Variants in ZNF146 observed in about 807,000 individuals in gnomAD.
The protein encoded by ZNF146 is zinc finger protein 146.
A neutral mutation model predicts 22.2 loss-of-function variants in ZNF146; 9 were observed. The ratio of observed to expected loss-of-function variants is 0.41; its 90% CI spans 0.24 to 0.71. The LOEUF (loss-of-function observed/expected upper bound fraction) is 0.71. ZNF146 is among the 30% of genes least tolerant of loss of function. The pLI, the probability that ZNF146 is intolerant of heterozygous loss-of-function variation, is 0.34. For synonymous variants in ZNF146, 108 were observed against 119.2 expected, an observed-to-expected ratio of 0.91 and a Z score of 0.61; for missense variants, 194 against 344.8, an observed-to-expected ratio of 0.56 and a Z score of 3.46.
At chr19:36,218,226 T>TATACTATA (rs1160821301) in intron 2 of ZNF146, 31 bp downstream of exon 2, 1 of 151,950 alleles carries the variant, frequency 6.6e-6, no homozygotes, top group African/African-American at 2.4e-5. Flanking sequence ...CCTCAGTTGC[T>TATACTATA]CATTTCATAG....
chr19:36,217,585 A>G (rs1331624367), intron 1 of ZNF146, among the ~76,000 whole-genome samples: 2 of 152,124 alleles, frequency 1.3e-5, no homozygotes, highest in Non-Finnish European at 2.9e-5. Context: ...ATGATACACG[A>G]TGCATTTGGA....
chr19:36,230,991 A>G (rs1253236963), intron 3 of ZNF146, among the ~76,000 whole-genome samples: 1 of 152,084 alleles, frequency 6.6e-6, no homozygotes, highest in African/African-American at 2.4e-5. Context: ...AGTAGAGTCG[A>G]GGTTTCACCA....
In ZNF146 at chr19:36,237,504, G is replaced by T; in HGVS notation, c.*185G>T. On this transcript the variant is annotated 3_prime_UTR_variant, in exon 4 of 4. Transcript: ENST00000443387. ...AAGACATGCATATGATTAAAACCCT[G>T]TGTCCAACAGAGAAACCTGCAGCAG... 1 of 583,282 alleles carries T rather than the reference G, an allele frequency of 1.7e-6. No individual in the cohort carries two copies. Among genetic ancestry groups the T allele is most frequent in the Non-Finnish European group, 2.8e-6 (1 of 359,304 alleles). 36.1% of individuals were successfully genotyped at this position (583,282 alleles called of 1,614,324 possible).
chr19:36,219,482 G>A (rs996442825), intron 2 of ZNF146, among the ~76,000 whole-genome samples: 8 of 151,990 alleles, frequency 5.3e-5, no homozygotes, highest in Non-Finnish European at 1.2e-4. Context: ...ACTTTTGCAT[G>A]GTTCTAATTC....
intron 2 of ZNF146, among the ~76,000 whole-genome samples, chr19:36,221,923 C>G (rs909097060): frequency 8.5e-6 from 1 of 118,328 alleles, no homozygotes; most frequent in African/African-American, 3.0e-5. Context: ...TTCCTTTTTT[C>G]TTTCTTTTTT....
intron 2 of ZNF146, among the ~76,000 whole-genome samples, chr19:36,221,927 C>CTTTTTTTTTTTT (rs60347994): frequency 1.5e-3 from 165 of 109,746 alleles, no homozygotes; most frequent in Non-Finnish European, 2.0e-3. Flanking sequence ...TTTTTTCTTT[C>CTTTTTTTTTTTT]TTTTTTTTTT....
At chr19:36,222,905 A>G (rs1306762274) in intron 2 of ZNF146, among the ~76,000 whole-genome samples, 1 of 129,964 alleles carries the variant, frequency 7.7e-6, no homozygotes, top group African/African-American at 2.8e-5. Flanking sequence ...TTCTTTTTTT[A>G]CATAGCCGTG....
In ZNF146 at chr19:36,238,768, A is replaced by G. The variant is rs1224123341; in HGVS notation, c.*1449A>G. ...TATTAAAATTTAAAAGGACAGCACA[A>G]TCCAAATCTGTTTTAATTATTTTAA... is the stretch of plus-strand genomic sequence containing the variant. On this transcript the variant is annotated 3_prime_UTR_variant, in exon 4 of 4. Transcript: ENST00000443387. 1 of 167,080 alleles carries G rather than the reference A, an allele frequency of 6.0e-6. No homozygotes were observed. Among genetic ancestry groups the G allele is most frequent in the Admixed American group, 6.5e-5 (1 of 15,284 alleles). 10.3% of individuals were successfully genotyped at this position (167,080 alleles called of 1,614,324 possible).
At chr19:36,218,504 C>T (rs1157125572) in intron 2 of ZNF146, among the ~76,000 whole-genome samples, 2 of 151,270 alleles carry the variant, frequency 1.3e-5, no homozygotes, top group East Asian at 1.9e-4. Flanking sequence ...GTCTCACTGT[C>T]GCCCAGGCTG....
intron 2 of ZNF146, among the ~76,000 whole-genome samples, chr19:36,224,079 A>G (rs190116470): frequency 3.9e-4 from 60 of 152,232 alleles, no homozygotes; most frequent in Non-Finnish European, 7.2e-4. Context: ...CTTTGACATC[A>G]TTTATTAAAA....
chr19:36,236,829 GT>G lies in ZNF146; in HGVS notation c.390del (p.Cys130Ter). On this transcript the variant is annotated frameshift_variant, in exon 4 of 4. Coordinates refer to ENST00000443387, the MANE Select transcript of ZNF146 (RefSeq NM_007145.3). LOFTEE classifies it high-confidence loss of function. ...RTHTGEKPFV[C>X]KECGKTFSGK... ...CACACAGGAGAGAAGCCCTTTGTAT[GT>G]AAGGAGTGTGGAAAAACCTTCAGTG... 1 of 1,614,176 alleles carries G rather than the reference GT, an allele frequency of 6.2e-7. No individual in the cohort carries two copies. Among genetic ancestry groups the G allele is most frequent in the Middle Eastern group, 1.6e-4 (1 of 6,062 alleles).
chr19:36,215,908 C>G (rs943152407), intron 1 of ZNF146, among the ~76,000 whole-genome samples: 4 of 152,106 alleles, frequency 2.6e-5, no homozygotes, highest in African/African-American at 9.7e-5. Flanking sequence ...CAGTGTTTAT[C>G]TATGAGTCTG....
At chr19:36,224,945 A>G (rs1977006113) in intron 2 of ZNF146, among the ~76,000 whole-genome samples, 1 of 151,720 alleles carries the variant, frequency 6.6e-6, no homozygotes, top group South Asian at 2.1e-4. Flanking sequence ...GAAGCTGTTG[A>G]TTTCTACATA....
chr19:36,215,251 C>T (rs907419719), intron 1 of ZNF146, 55 bp downstream of exon 1: 1 of 152,198 alleles, frequency 6.6e-6, no homozygotes, highest in Admixed American at 6.6e-5. Context: ...GGGGAGGATT[C>T]CTGATCTTTA....
At chr19:36,232,693 C>G (rs1977438520) in intron 3 of ZNF146, among the ~76,000 whole-genome samples, 2 of 151,296 alleles carry the variant, frequency 1.3e-5, no homozygotes, top group African/African-American at 4.9e-5. Context: ...ACTACAACCT[C>G]CACCTCCCGG....
chr19:36,237,302 A>G lies in ZNF146; in HGVS notation c.862A>G (p.Lys288Glu). ...SQKSHHIRHQKIHTH is the reference protein window; with the variant it reads ...SQKSHHIRHQEIHTH ...GAAGTCACACCACATTAGACACCAGAAAATTCATACTCACTAAAAACCCCA... is the reference window on the plus strand; with the variant it reads ...GAAGTCACACCACATTAGACACCAGGAAATTCATACTCACTAAAAACCCCA... Residue 288 changes from lysine (K) to glutamate (E), a missense_variant, in exon 4 of 4, where the codon AAA (lysine) becomes GAA (glutamate). Coordinates refer to ENST00000443387, the MANE Select transcript of ZNF146 (RefSeq NM_007145.3). 6.2e-7 allele frequency: 1 copy of G among 1,606,442 alleles called. No individual in the cohort carries two copies. Among genetic ancestry groups the G allele is most frequent in the South Asian group, 1.1e-5 (1 of 90,162 alleles).
At position 36,236,135 on chromosome 19, in the gene ZNF146, C is replaced by T. The variant is rs1431346955; in HGVS notation, c.-306C>T. 3.4e-6 allele frequency: 1 copy of T among 289,930 alleles called. No homozygotes were observed. The highest frequency in any genetic ancestry group is 6.4e-6 in the Non-Finnish European group (1 of 156,132). 18.0% of individuals were successfully genotyped at this position (289,930 alleles called of 1,614,324 possible). A position where few individuals can be genotyped will look rare whatever the true frequency, so the allele number is the denominator to read the frequency against. On this transcript the variant is annotated 5_prime_UTR_variant, in exon 4 of 4. Coordinates refer to ENST00000443387, the MANE Select transcript of ZNF146 (RefSeq NM_007145.3). ...ACCCTGTGCTTCTAAGGAGTATTGA[C>T]AAGCCCTTAGCTAGATGACAATCTC...
At chr19:36,218,942 G>A (rs1487466407) in intron 2 of ZNF146, among the ~76,000 whole-genome samples, 3 of 151,252 alleles carry the variant, frequency 2.0e-5, no homozygotes, top group African/African-American at 7.3e-5. Flanking sequence ...CCAAGTAGCT[G>A]GGACTACGGG....
intron 2 of ZNF146, among the ~76,000 whole-genome samples, chr19:36,226,266 G>C (rs1338387532): frequency 6.6e-6 from 1 of 152,142 alleles, no homozygotes; most frequent in African/African-American, 2.4e-5. Flanking sequence ...CCTGCAAGTT[G>C]CTTCCAGCCA....
Sources: gnomAD v4.1 joint callset for allele counts (sites outside exome capture counted in the v4.1 genomes callset) on GRCh38, gnomAD v4.1.1 for gene constraint, MANE v1.5 for transcripts, NCBI Gene and HGNC (gene_info 2026-07-23, HGNC 2026-07-21) for gene names.